Variants in PCDH7 observed in about 807,000 individuals in gnomAD.
PCDH7 encodes the protein protocadherin-7.
PCDH7 carries 17 observed loss-of-function variants against 58.9 expected under a neutral mutation model. The ratio of observed to expected loss-of-function variants is 0.29; its 90% CI spans 0.20 to 0.43. The LOEUF is 0.43. Among genes scored for constraint, PCDH7 ranks in the 20% least tolerant of loss-of-function variants. The pLI is 1.00. For synonymous variants in PCDH7, 664 were observed against 616.4 expected (o/e 1.08, Z -1.14); for missense variants, 1,274 against 1,441.0 (o/e 0.88, Z 1.88).
chr4:30,764,366 G>T (rs777192791), intron 1 of PCDH7, among the ~76,000 whole-genome samples: 6 of 152,122 alleles, frequency 3.9e-5, no homozygotes, highest in Non-Finnish European at 8.8e-5. Context: ...TTACCATATA[G>T]TTTTAATTTC....
At chr4:30,963,129 T>C (rs766065748) in intron 3 of PCDH7, among the ~76,000 whole-genome samples, 1 of 152,202 alleles carries the variant, frequency 6.6e-6, no homozygotes, top group African/African-American at 2.4e-5. Flanking sequence ...TAATAGTAAC[T>C]GTAATCAGGA....
At chr4:30,873,752 C>T (rs1401019376) in intron 1 of PCDH7, among the ~76,000 whole-genome samples, 3 of 151,854 alleles carry the variant, frequency 2.0e-5, no homozygotes, top group Non-Finnish European at 4.4e-5. Flanking sequence ...GCAAATACCA[C>T]CTGACACTAA....
At chr4:31,029,330 A>T (rs903456222) in intron 3 of PCDH7, among the ~76,000 whole-genome samples, 1 of 152,188 alleles carries the variant, frequency 6.6e-6, no homozygotes, top group African/African-American at 2.4e-5. Context: ...CTTGCTTCTG[A>T]AGATGGTGGG....
At chr4:30,728,086 C>T (rs767877050) in intron 1 of PCDH7, among the ~76,000 whole-genome samples, 2 of 151,638 alleles carry the variant, frequency 1.3e-5, no homozygotes, top group South Asian at 4.1e-4. Context: ...TTCAGTTTGT[C>T]TTCATAATGT....
chr4:31,071,474 A>T (rs2109253230), intron 3 of PCDH7, among the ~76,000 whole-genome samples: 1 of 152,166 alleles, frequency 6.6e-6, no homozygotes, highest in East Asian at 1.9e-4. Context: ...ATAACGTTGA[A>T]CATATATTTG....
chr4:30,861,838 G>T (rs1473902580), intron 1 of PCDH7, among the ~76,000 whole-genome samples: 1 of 152,094 alleles, frequency 6.6e-6, no homozygotes, highest in Admixed American at 6.5e-5. Context: ...TTGTATATAA[G>T]CTACTTAGAA....
At chr4:30,817,884 C>T (rs989712439) in intron 1 of PCDH7, among the ~76,000 whole-genome samples, 2 of 152,172 alleles carry the variant, frequency 1.3e-5, no homozygotes, top group East Asian at 1.9e-4. Flanking sequence ...TCAAATTACT[C>T]CTCTGCTTAG....
intron 1 of PCDH7, among the ~76,000 whole-genome samples, chr4:30,743,468 C>T (rs1482330602): frequency 1.4e-5 from 2 of 147,968 alleles, no homozygotes; most frequent in Non-Finnish European, 3.0e-5. Context: ...CTTGCTGGGC[C>T]TTTTTACTGA....
chr4:30,962,769 C>T (rs13148710), intron 3 of PCDH7, among the ~76,000 whole-genome samples: 83,611 of 132,818 alleles, frequency 0.63, 26,777 homozygotes, highest in African/African-American at 0.82. Context: ...AGAATGAGAC[C>T]CAGTCTTAAA....
In PCDH7 at chr4:30,750,593, T is replaced by C. The variant is rs1320935787; in HGVS notation, c.70+25997T>C. 5.3e-5 allele frequency among the ~76,000 whole-genome samples: 8 copies of C among 152,256 alleles called. No individual in the cohort carries two copies. The East Asian group carries it at 1.2e-3, about 22-fold the overall frequency. ...GTGCAAATTTGGAGAGGAGGAAAATTAGTTCCTAGAGATATTTTGTGTTTG... is the reference window on the plus strand; with the variant it reads ...GTGCAAATTTGGAGAGGAGGAAAATCAGTTCCTAGAGATATTTTGTGTTTG... On this transcript the variant is annotated intron_variant, in intron 1 of 3. Transcript: ENST00000509759.
chr4:31,017,754 G>A (rs934083124), intron 3 of PCDH7, among the ~76,000 whole-genome samples: 94 of 146,854 alleles, frequency 6.4e-4, no homozygotes, highest in South Asian at 1.5e-3. Context: ...AGCTCAAGGC[G>A]GGGATAGATA....
intron 3 of PCDH7, among the ~76,000 whole-genome samples, chr4:31,051,133 CTCTTTGTT>C (rs2109220570): frequency 6.6e-6 from 1 of 152,230 alleles, no homozygotes; most frequent in South Asian, 2.1e-4. Flanking sequence ...CTATAAGCCA[CTCTTTGTT>C]TAAGGTCTTC....
At chr4:30,784,477 G>A (rs1308838199) in intron 1 of PCDH7, among the ~76,000 whole-genome samples, 2 of 152,064 alleles carry the variant, frequency 1.3e-5, no homozygotes, top group Non-Finnish European at 2.9e-5. Context: ...ATTTTAATAC[G>A]TGGACTTCAT....
At position 31,069,148 on chromosome 4, in the gene PCDH7, C is replaced by T. The variant is rs541631508; in HGVS notation, c.*8-73325C>T. Among the ~76,000 whole-genome samples the T allele has an allele frequency of 2.6e-5, 4 of 152,054 alleles. No individual in the cohort carries two copies. In the East Asian group the frequency reaches 7.7e-4, roughly 29 times the overall value. ...ATACCTTTAAAACGCATTATAGTTT[C>T]CTTTTCTGTGCCTTTATTTTTAGGG... On this transcript the variant is annotated intron_variant, in intron 3 of 3. Coordinates refer to the PCDH7 transcript ENST00000509759.
chr4:30,857,653 A>G (rs938037662), intron 1 of PCDH7, among the ~76,000 whole-genome samples: 12 of 152,122 alleles, frequency 7.9e-5, no homozygotes, highest in African/African-American at 2.9e-4. Context: ...AGGAGCATCA[A>G]TACAACAAGG....
At chr4:31,121,043 A>G (rs963497165) in intron 3 of PCDH7, among the ~76,000 whole-genome samples, 4 of 152,180 alleles carry the variant, frequency 2.6e-5, no homozygotes, top group East Asian at 3.8e-4. Flanking sequence ...CATGCCACTC[A>G]TAATGATAAC....
In PCDH7 at chr4:30,720,919, T is replaced by C. The variant is rs968447853; in HGVS notation, c.-504T>C. Reference sequence around the variant, plus strand: ...GAACGTGAATTGGACTCAACTCGAGTAGCAGCAAAGACCAGCGGGCTGGCA... The same window carrying C: ...GAACGTGAATTGGACTCAACTCGAGCAGCAGCAAAGACCAGCGGGCTGGCA... On this transcript the variant is annotated 5_prime_UTR_variant, in exon 1 of 2. Transcript: ENST00000361762. The surrounding 1 kb of genome is among the most constrained non-coding windows in gnomAD (Gnocchi z 4.7). The C allele has an allele frequency of 6.4e-6, 1 of 155,042 alleles. No homozygotes were observed. The highest frequency in any genetic ancestry group is 6.5e-5 in the Admixed American group (1 of 15,306). 9.6% of individuals were successfully genotyped at this position (155,042 alleles called of 1,614,324 possible). A position where few individuals can be genotyped will look rare whatever the true frequency, so the allele number is the denominator to read the frequency against.
intron 1 of PCDH7, among the ~76,000 whole-genome samples, chr4:30,880,438 C>T (rs1019605462): frequency 6.6e-6 from 1 of 152,092 alleles, no homozygotes; most frequent in East Asian, 1.9e-4. Flanking sequence ...TTGTGGGACA[C>T]AGAGGTATCA....
chr4:31,113,789 T>C (rs546145714), intron 3 of PCDH7, among the ~76,000 whole-genome samples: 1 of 151,988 alleles, frequency 6.6e-6, no homozygotes, highest in East Asian at 1.9e-4. Flanking sequence ...AATGTTAACA[T>C]TTAATTTAGT....
Sources: allele counts gnomAD v4.1 joint callset (sites outside exome capture counted in the v4.1 genomes callset), GRCh38; gene constraint gnomAD v4.1.1; non-coding constraint Gnocchi (gnomAD v3.1); transcripts MANE v1.5; gene names NCBI Gene and HGNC (gene_info 2026-07-23, HGNC 2026-07-21).